MTUS2: variants seen among roughly 807,000 people sequenced by gnomAD.
MTUS2 encodes microtubule associated scaffold protein 2, also known as microtubule-associated tumor suppressor candidate 2.
Under a neutral mutation model 114.1 loss-of-function variants are expected in MTUS2, and 40 were observed. The observed-to-expected ratio is 0.35, with a 90% CI of 0.27 to 0.46. The LOEUF (loss-of-function observed/expected upper bound fraction) is 0.46, where lower values mean the gene tolerates loss of function less well. Ranked by LOEUF, MTUS2 falls within the 20% of genes least tolerant of loss-of-function variation. MTUS2 has a pLI of 1.00. For synonymous variants in MTUS2, 688 were observed against 672.0 expected (o/e 1.02, Z -0.37); for missense variants, 1,679 against 1,705.4 (o/e 0.98, Z 0.27).
At chr13:29,438,242 G>T (rs1214625780) in intron 8 of MTUS2, among the ~76,000 whole-genome samples, 10 of 152,134 alleles carry the variant, frequency 6.6e-5, no homozygotes, top group Non-Finnish European at 1.5e-5. Context: ...CTCAGATGTA[G>T]TTGTTAACTC....
Position 29,162,194 on chromosome 13 carries a change from A to G in MTUS2, c.2644+61224A>G, listed in dbSNP as rs985238313. ...TGGCTTTAGGGCCCACTCTAATCCAATATGACCTCATCTTAACTTGATAAC... is the reference window on the plus strand; with the variant it reads ...TGGCTTTAGGGCCCACTCTAATCCAGTATGACCTCATCTTAACTTGATAAC... On this transcript the variant is annotated intron_variant, in intron 5 of 15. Coordinates refer to ENST00000612955, the MANE Select transcript of MTUS2 (RefSeq NM_001033602.4). Among the ~76,000 whole-genome samples the G allele has an allele frequency of 7.2e-5, 11 of 152,304 alleles. No homozygotes were observed. The South Asian group carries it at 8.3e-4, about 11-fold the overall frequency.
At chr13:29,438,030 A>G (rs1877544941) in intron 8 of MTUS2, among the ~76,000 whole-genome samples, 1 of 152,196 alleles carries the variant, frequency 6.6e-6, no homozygotes, top group African/African-American at 2.4e-5. Context: ...CCTATTATAT[A>G]TAGGGTGTTA....
rs751630425 is a variant in MTUS2 at position 29,504,935 on chromosome 13, A to C, written c.*1729A>C. The C allele has an allele frequency of 8.6e-6, 2 of 232,520 alleles. No homozygotes were observed. The highest frequency in any genetic ancestry group is 1.7e-5 in the Non-Finnish European group (2 of 117,664). 14.4% of individuals were successfully genotyped at this position (232,520 alleles called of 1,614,324 possible). A position where few individuals can be genotyped will look rare whatever the true frequency, so the allele number is the denominator to read the frequency against. On this transcript the variant is annotated 3_prime_UTR_variant, in exon 16 of 16. Coordinates refer to ENST00000612955, the MANE Select transcript of MTUS2 (RefSeq NM_001033602.4). ...CGCCTGCTCGGCACACGTGTTGCCA[A>C]CGTGAAGGCAGACATGGTCCCTGGC...
At chr13:29,421,428 A>G (rs138246493) in intron 8 of MTUS2, among the ~76,000 whole-genome samples, 241 of 152,330 alleles carry the variant, frequency 1.6e-3, no homozygotes, top group African/African-American at 5.4e-3. Flanking sequence ...CTTGAAATAA[A>G]TAGTGAGACT....
intron 6 of MTUS2, among the ~76,000 whole-genome samples, chr13:29,320,030 T>A (rs1022252281): frequency 6.6e-6 from 1 of 152,158 alleles, no homozygotes; most frequent in Non-Finnish European, 1.5e-5. Context: ...CATGTATGAA[T>A]CACCAGAACC....
In MTUS2 at chr13:29,033,920, T is replaced by C. The variant is rs554157001; in HGVS notation, c.2241T>C (p.Ser747=). 6.2e-7 allele frequency: 1 copy of C among 1,613,932 alleles called. No homozygotes were observed. The highest frequency in any genetic ancestry group is 1.1e-5 in the South Asian group (1 of 91,072). The change falls in exon 4 of 16, where the codon TCT becomes TCC. Residue 747 remains serine, a synonymous_variant. Transcript: ENST00000612955. Reference sequence around the variant, plus strand: ...ACCCTGGAAAAGAAGAGTTTTGTTCTCCTCCCTATGCTCATTATGAAGTCC... The same window carrying C: ...ACCCTGGAAAAGAAGAGTTTTGTTCCCCTCCCTATGCTCATTATGAAGTCC... ...TDHPGKEEFC[S]PPYAHYEVPP... is the part of the protein sequence containing the mutation.
At position 29,334,108 on chromosome 13, in the gene MTUS2, G is replaced by A. The variant is rs374016602; in HGVS notation, c.2905+9397G>A. Among the ~76,000 whole-genome samples the A allele has an allele frequency of 4.3e-4, 65 of 152,118 alleles. 1 individual carries two copies. The highest frequency in any genetic ancestry group is 1.4e-3 in the African/African-American group (60 of 41,496). ...TTTGAGCCTATGTGTGTCTTTGCAC[G>A]TGAGATGGGTCTCCTGAATACAGGA... is the stretch of plus-strand genomic sequence containing the variant. On this transcript the variant is annotated intron_variant, in intron 7 of 15. Coordinates refer to ENST00000612955, the MANE Select transcript of MTUS2 (RefSeq NM_001033602.4).
intron 2 of MTUS2, among the ~76,000 whole-genome samples, chr13:28,895,003 G>A (rs1593278482): frequency 6.6e-6 from 1 of 152,212 alleles, no homozygotes; most frequent in East Asian, 1.9e-4. Context: ...ACAGAAAAAG[G>A]ATTAAAGAAT....
At position 29,025,215 on chromosome 13, in the gene MTUS2, A is replaced by G; in HGVS notation, c.517A>G (p.Arg173Gly). The G allele has an allele frequency of 6.2e-7, 1 of 1,613,996 alleles. No individual in the cohort carries two copies. The highest frequency in any genetic ancestry group is 8.5e-7 in the Non-Finnish European group (1 of 1,179,894). The change falls in exon 3 of 16, where the codon AGG becomes GGG. Residue 173 changes from arginine (R) to glycine (G), a missense_variant. This residue lies in a region of MTUS2 where 843 missense variants were observed against 770.8 expected (regional missense o/e 1.09). Transcript: ENST00000612955. ...AAAGACCCTTGACAATGAGGAACTG[A>G]GGAGGCATTCTTTGGAAAGAGCAAG... ...LAKTLDNEELRRHSLERASSS... is the reference protein window; with the variant it reads ...LAKTLDNEELGRHSLERASSS...
chr13:29,360,022 G>A (rs1262898547), intron 8 of MTUS2, among the ~76,000 whole-genome samples: 1 of 152,140 alleles, frequency 6.6e-6, no homozygotes, highest in South Asian at 2.1e-4. Flanking sequence ...CAGGGAGGTT[G>A]GTTTCTCCTC....
chr13:29,252,387 C>G (rs760449876), intron 5 of MTUS2, among the ~76,000 whole-genome samples: 1 of 152,072 alleles, frequency 6.6e-6, no homozygotes, highest in African/African-American at 2.4e-5. Context: ...TACCCATAAC[C>G]CTTTTGGCCT....
At position 29,119,217 on chromosome 13, in the gene MTUS2, G is replaced by T. The variant is rs534823628; in HGVS notation, c.2644+18247G>T. Among the ~76,000 whole-genome samples the T allele has an allele frequency of 3.3e-5, 5 of 152,224 alleles. No homozygotes were observed. In the East Asian group the frequency reaches 9.7e-4, roughly 29 times the overall value. On this transcript the variant is annotated intron_variant, in intron 5 of 15. Coordinates refer to ENST00000612955, the MANE Select transcript of MTUS2 (RefSeq NM_001033602.4). ...TAACAGGATAAAATCCTGAATCTCA[G>T]TACATAGATACACATTGGACCTGAT...
intron 8 of MTUS2, among the ~76,000 whole-genome samples, chr13:29,409,703 C>T (rs192503023): frequency 6.6e-6 from 1 of 152,178 alleles, no homozygotes; most frequent in African/African-American, 2.4e-5. Context: ...TAGGATACTA[C>T]AGTGTGAATA....
chr13:29,008,426 T>C (rs1885695046), intron 2 of MTUS2, among the ~76,000 whole-genome samples: 2 of 152,214 alleles, frequency 1.3e-5, no homozygotes, highest in Admixed American at 6.5e-5. Flanking sequence ...TCTGTTCCAA[T>C]CTGAACTGGT....
chr13:29,303,959 C>A (rs1489680288), intron 6 of MTUS2, among the ~76,000 whole-genome samples: 2 of 152,158 alleles, frequency 1.3e-5, no homozygotes, highest in East Asian at 3.9e-4. Context: ...ATCTACAAGC[C>A]AGAAGAGTTT....
intron 2 of MTUS2, among the ~76,000 whole-genome samples, chr13:29,005,659 C>G (rs1427819650): frequency 6.6e-6 from 1 of 152,242 alleles, no homozygotes; most frequent in African/African-American, 2.4e-5. Flanking sequence ...AAGCAGGGAA[C>G]TCTGTACTGA....
intron 5 of MTUS2, among the ~76,000 whole-genome samples, chr13:29,140,572 T>C (rs528287998): frequency 4.9e-4 from 75 of 152,338 alleles, no homozygotes; most frequent in Non-Finnish European, 1.9e-4. Flanking sequence ...GAACAAATTG[T>C]TCCTCATTCT....
chr13:29,050,584 C>G (rs1887846184), intron 4 of MTUS2, among the ~76,000 whole-genome samples: 1 of 152,180 alleles, frequency 6.6e-6, no homozygotes, highest in Non-Finnish European at 1.5e-5. Context: ...CAACCATCAG[C>G]GTCATCTTAC....
chr13:28,875,887 G>C (rs7985503), intron 2 of MTUS2, among the ~76,000 whole-genome samples: 6,733 of 152,206 alleles, frequency 0.044, 479 homozygotes, highest in African/African-American at 0.15. Flanking sequence ...GATTTATTTT[G>C]TCTATTAAAA....
Sources: gnomAD v4.1 joint callset for allele counts (sites outside exome capture counted in the v4.1 genomes callset) on GRCh38, gnomAD v4.1.1 for gene constraint, gnomAD v4.1.1 regional missense constraint, MANE v1.5 for transcripts, NCBI Gene and HGNC (gene_info 2026-07-23, HGNC 2026-07-21) for gene names.